PDE4D: variants seen among roughly 807,000 people sequenced by gnomAD.
PDE4D encodes 3',5'-cyclic-AMP phosphodiesterase 4D.
A neutral mutation model predicts 87.4 loss-of-function variants in PDE4D; 24 were observed. The observed-to-expected ratio is 0.27, with a 90% CI of 0.20 to 0.39. The LOEUF is 0.39. Among genes scored for constraint, PDE4D ranks in the 10% least tolerant of loss-of-function variants. The pLI is 1.00. For missense variants in PDE4D, 714 were observed against 1,041.0 expected (o/e 0.69, Z 4.32); for synonymous variants, 384 against 383.2 (o/e 1.00, Z -0.02).
At chr5:59,412,894 T>G (rs915671384) in intron 1 of PDE4D, among the ~76,000 whole-genome samples, 1 of 152,248 alleles carries the variant, frequency 6.6e-6, no homozygotes, top group Non-Finnish European at 1.5e-5. Context: ...CGAAGTCTTC[T>G]GAACTCTGTT....
In PDE4D at chr5:60,425,852, C is replaced by A. The variant is rs190388308; in HGVS notation, c.-90+62090G>T. On this transcript the variant is annotated intron_variant, in intron 1 of 16. Transcript: ENST00000502484. ...AAGTTTACAAGAAAAAAACAAACAA[C>A]CCCATCAAAAAGTGGGCGAAGGATA... Among the ~76,000 whole-genome samples the A allele has an allele frequency of 2.3e-3, 353 of 152,214 alleles. 2 individuals carry two copies. The highest frequency in any genetic ancestry group is 4.0e-3 in the Non-Finnish European group (269 of 67,994).
In PDE4D at chr5:59,183,927, A is replaced by G. The variant is rs377404744; in HGVS notation, c.758+1262T>C. Among the ~76,000 whole-genome samples the G allele has an allele frequency of 2.0e-4, 30 of 152,282 alleles. No homozygotes were observed. The East Asian group carries it at 2.7e-3, about 14-fold the overall frequency. ...ACTGACAGTGTTCAGGAGCATCCCAACAGACAAACAGGCAACAGGAGCACA... is the reference window on the plus strand; with the variant it reads ...ACTGACAGTGTTCAGGAGCATCCCAGCAGACAAACAGGCAACAGGAGCACA... On this transcript the variant is annotated intron_variant, in intron 4 of 14. Coordinates refer to ENST00000340635, the MANE Select transcript of PDE4D (RefSeq NM_001104631.2).
chr5:59,378,347 G>A (rs1173869812), intron 1 of PDE4D, among the ~76,000 whole-genome samples: 1 of 152,030 alleles, frequency 6.6e-6, no homozygotes. Context: ...ATACTTGGGT[G>A]ACAAAATAAT....
At chr5:59,558,712 T>C (rs1228848951) in intron 1 of PDE4D, 1 of 152,188 alleles carries the variant, frequency 6.6e-6, no homozygotes, top group African/African-American at 2.4e-5. Context: ...CATGTTCAAT[T>C]TCTTCTGGCA....
At chr5:59,231,470 G>A (rs1271268057) in intron 1 of PDE4D, among the ~76,000 whole-genome samples, 1 of 152,170 alleles carries the variant, frequency 6.6e-6, no homozygotes, top group African/African-American at 2.4e-5. Context: ...TGCTAAAGAT[G>A]CTGATGCGTG....
At chr5:59,044,355 A>G (rs183419295) in intron 5 of PDE4D, among the ~76,000 whole-genome samples, 165 of 152,366 alleles carry the variant, frequency 1.1e-3, no homozygotes, top group African/African-American at 3.8e-3. Flanking sequence ...GAACTACAAC[A>G]AAAAGCTCCT....
At chr5:59,873,393 T>A (rs1748110055) in intron 1 of PDE4D, among the ~76,000 whole-genome samples, 1 of 152,136 alleles carries the variant, frequency 6.6e-6, no homozygotes, top group South Asian at 2.1e-4. Flanking sequence ...TAGAAAAGTG[T>A]CAGAGCTGCT....
intron 5 of PDE4D, among the ~76,000 whole-genome samples, chr5:59,075,440 T>G (rs1039348521): frequency 6.6e-6 from 1 of 152,144 alleles, no homozygotes; most frequent in African/African-American, 2.4e-5. Context: ...TCATCTTGGT[T>G]CCTTTCAAGT....
chr5:59,627,248 A>T (rs903991173), intron 1 of PDE4D, among the ~76,000 whole-genome samples: 3 of 152,218 alleles, frequency 2.0e-5, no homozygotes, highest in Non-Finnish European at 2.9e-5. Flanking sequence ...GAAGGTGTGA[A>T]TGGTATTCCA....
chr5:59,956,693 T>G (rs577091916), intron 3 of PDE4D, among the ~76,000 whole-genome samples: 1 of 152,228 alleles, frequency 6.6e-6, no homozygotes, highest in Admixed American at 6.5e-5. Context: ...ATAAAAATGC[T>G]TCATTTTATA....
intron 1 of PDE4D, among the ~76,000 whole-genome samples, chr5:59,548,801 G>A (rs1466062668): frequency 6.6e-6 from 1 of 152,154 alleles, no homozygotes; most frequent in Non-Finnish European, 1.5e-5. Flanking sequence ...CAGCTCTGCA[G>A]GGTGCATGGC....
chr5:60,510,529 G>A (rs546789752), intron 1 of PDE4D, among the ~76,000 whole-genome samples: 2 of 152,142 alleles, frequency 1.3e-5, no homozygotes, highest in Admixed American at 6.5e-5. Flanking sequence ...AACATGTCTA[G>A]CTAAAATAAC....
At chr5:59,711,017 A>T (rs893395071) in intron 1 of PDE4D, among the ~76,000 whole-genome samples, 1 of 152,186 alleles carries the variant, frequency 6.6e-6, no homozygotes, top group Non-Finnish European at 1.5e-5. Context: ...AAACCACAGC[A>T]TATTAACCAA....
intron 1 of PDE4D, among the ~76,000 whole-genome samples, chr5:59,342,616 A>G (rs115639274): frequency 0.022 from 3,361 of 152,282 alleles, 61 homozygotes; most frequent in South Asian, 0.068. Context: ...AATTATACAT[A>G]AACCAGCTGA....
intron 2 of PDE4D, among the ~76,000 whole-genome samples, chr5:60,012,785 A>G (rs1329689490): frequency 6.6e-6 from 1 of 152,184 alleles, no homozygotes; most frequent in East Asian, 1.9e-4. Context: ...TAATTGAAGG[A>G]ACAACCTGAA....
chr5:59,295,739 C>T (rs558810380), intron 1 of PDE4D, among the ~76,000 whole-genome samples: 7 of 151,878 alleles, frequency 4.6e-5, no homozygotes, highest in East Asian at 3.9e-4. Flanking sequence ...GTTAAAATGG[C>T]GGCTCTCAGA....
At chr5:58,980,452 C>G (rs1744847883) in intron 11 of PDE4D, among the ~76,000 whole-genome samples, 1 of 152,190 alleles carries the variant, frequency 6.6e-6, no homozygotes, top group Non-Finnish European at 1.5e-5. Flanking sequence ...ACAGTCCACT[C>G]AGTGCCTGGC....
At chr5:59,508,141 A>C (rs1809615705) in intron 1 of PDE4D, among the ~76,000 whole-genome samples, 1 of 152,020 alleles carries the variant, frequency 6.6e-6, no homozygotes, top group Non-Finnish European at 1.5e-5. Context: ...GAAGGCATTT[A>C]CCAATTCTTT....
At chr5:59,339,604 T>C (rs1212420177) in intron 1 of PDE4D, among the ~76,000 whole-genome samples, 1 of 152,198 alleles carries the variant, frequency 6.6e-6, no homozygotes, top group Non-Finnish European at 1.5e-5. Flanking sequence ...GATTTAAGTA[T>C]AGAACCATTA....
Sources: allele counts gnomAD v4.1 joint callset (sites outside exome capture counted in the v4.1 genomes callset), GRCh38; gene constraint gnomAD v4.1.1; transcripts MANE v1.5; gene names NCBI Gene and HGNC (gene_info 2026-07-23, HGNC 2026-07-21).